XPR1: variants seen among roughly 807,000 people sequenced by gnomAD.
The protein encoded by XPR1 is xenotropic and polytropic retrovirus receptor 1.
Under a neutral mutation model 87.5 loss-of-function variants are expected in XPR1, and 28 were observed. The ratio of observed to expected loss-of-function variants is 0.32; its 90% CI spans 0.24 to 0.44. The LOEUF is 0.44. XPR1 is among the 20% of genes least tolerant of loss of function. XPR1 has a pLI of 1.00. For synonymous variants in XPR1, 300 were observed against 306.1 expected (o/e 0.98, Z 0.21); for missense variants, 559 against 862.3 (o/e 0.65, Z 4.41).
At chr1:180,705,824 C>T (rs1571746579) in intron 2 of XPR1, among the ~76,000 whole-genome samples, 1 of 152,048 alleles carries the variant, frequency 6.6e-6, no homozygotes, top group Non-Finnish European at 1.5e-5. Context: ...AAAAGTAACA[C>T]AATATATTAG....
chr1:180,653,372 G>A (rs1208279015), intron 1 of XPR1, among the ~76,000 whole-genome samples: 1 of 152,106 alleles, frequency 6.6e-6, no homozygotes, highest in Non-Finnish European at 1.5e-5. Flanking sequence ...AAATAAAAGG[G>A]GAAATATTGG....
intron 7 of XPR1, among the ~76,000 whole-genome samples, chr1:180,813,655 A>G (rs1319945869): frequency 6.6e-6 from 1 of 152,158 alleles, no homozygotes. Context: ...TTTAGAAAAC[A>G]CATGCACAAA....
intron 2 of XPR1, among the ~76,000 whole-genome samples, chr1:180,721,095 G>A (rs1014629549): frequency 1.3e-5 from 2 of 151,786 alleles, no homozygotes; most frequent in Non-Finnish European, 2.9e-5. Flanking sequence ...TGGCTGGGAC[G>A]TGGTAATTCC....
chr1:180,834,025 C>G (rs1041518763), intron 9 of XPR1, among the ~76,000 whole-genome samples: 1 of 151,816 alleles, frequency 6.6e-6, no homozygotes, highest in African/African-American at 2.4e-5. Context: ...GGAGTAGGAA[C>G]GTTCATAGAA....
intron 2 of XPR1, among the ~76,000 whole-genome samples, chr1:180,696,730 G>T (rs1273967832): frequency 6.6e-6 from 1 of 152,032 alleles, no homozygotes; most frequent in Non-Finnish European, 1.5e-5. Flanking sequence ...GCTTTTTTGT[G>T]TGTGTCTATT....
chr1:180,781,594 T>G (rs1212544035), intron 2 of XPR1, among the ~76,000 whole-genome samples: 1 of 151,038 alleles, frequency 6.6e-6, no homozygotes, highest in African/African-American at 2.4e-5. Flanking sequence ...TGATTGGTAC[T>G]CTTTTTTTTT....
At chr1:180,753,900 C>A (rs1413885491) in intron 2 of XPR1, among the ~76,000 whole-genome samples, 1 of 152,120 alleles carries the variant, frequency 6.6e-6, no homozygotes, top group Non-Finnish European at 1.5e-5. Flanking sequence ...TATTTCCCAC[C>A]ATTCAAACCT....
chr1:180,800,612 A>T (rs1005219451), intron 3 of XPR1, among the ~76,000 whole-genome samples: 2 of 152,236 alleles, frequency 1.3e-5, no homozygotes, highest in African/African-American at 2.4e-5. Context: ...GAGCTAATAA[A>T]TGGGGTTTCT....
chr1:180,805,833 T>C (rs1387272915), intron 4 of XPR1, among the ~76,000 whole-genome samples: 1 of 152,204 alleles, frequency 6.6e-6, no homozygotes, highest in Non-Finnish European at 1.5e-5. Flanking sequence ...ATAGGGTTCA[T>C]AGTTCAGGGT....
chr1:180,825,224 A>C lies in XPR1; in HGVS notation c.1014A>C (p.Pro338=). The C allele has an allele frequency of 2.5e-6, 4 of 1,613,982 alleles. No homozygotes were observed. Among genetic ancestry groups the C allele is most frequent in the Non-Finnish European group, 3.4e-6 (4 of 1,179,938 alleles). The change falls in exon 9 of 15, where the codon CCA becomes CCC. Residue 338 remains proline, a synonymous_variant. Transcript: ENST00000367590. ...GCCTTCTGGCATGCTTCTTTGCTCC[A>C]ATTAGTGTCATCCCCACATATGTGT... ...CLSLLACFFA[P]ISVIPTYVYP...
chr1:180,786,614 T>C (rs1425318994), intron 2 of XPR1, among the ~76,000 whole-genome samples: 1 of 152,182 alleles, frequency 6.6e-6, no homozygotes, highest in Admixed American at 6.5e-5. Context: ...GTTGATAGGC[T>C]ATGTGACAGA....
chr1:180,852,844 C>T (rs1651909002), intron 11 of XPR1, among the ~76,000 whole-genome samples: 1 of 152,120 alleles, frequency 6.6e-6, no homozygotes, highest in Non-Finnish European at 1.5e-5. Flanking sequence ...TAACTTATTA[C>T]AGTATATTAT....
intron 9 of XPR1, among the ~76,000 whole-genome samples, chr1:180,826,574 A>G (rs1207033130): frequency 1.3e-5 from 2 of 152,144 alleles, no homozygotes; most frequent in Non-Finnish European, 2.9e-5. Flanking sequence ...AGAAAGAAAC[A>G]AAGAAAGTAA....
intron 7 of XPR1, among the ~76,000 whole-genome samples, chr1:180,822,894 A>G (rs886921629): frequency 7.9e-5 from 12 of 152,214 alleles, no homozygotes; most frequent in South Asian, 4.1e-4. Context: ...TAAATCTTCT[A>G]TATACTACAG....
At chr1:180,693,419 A>C (rs1259992590) in intron 2 of XPR1, among the ~76,000 whole-genome samples, 1 of 152,244 alleles carries the variant, frequency 6.6e-6, no homozygotes, top group Non-Finnish European at 1.5e-5. Flanking sequence ...GAGATACTCT[A>C]AAAATCATTT....
intron 4 of XPR1, among the ~76,000 whole-genome samples, chr1:180,803,864 C>T (rs1217020668): frequency 6.6e-6 from 1 of 152,134 alleles, no homozygotes; most frequent in Non-Finnish European, 1.5e-5. Flanking sequence ...GGATAGTCCA[C>T]AACTCAAGGA....
intron 11 of XPR1, among the ~76,000 whole-genome samples, chr1:180,855,021 G>T (rs1312314099): frequency 1.3e-5 from 2 of 152,164 alleles, no homozygotes; most frequent in Non-Finnish European, 1.5e-5. Context: ...ATTCAGTTTG[G>T]CAAATATTAA....
At chr1:180,738,441 G>A (rs1044665600) in intron 2 of XPR1, among the ~76,000 whole-genome samples, 2 of 152,068 alleles carry the variant, frequency 1.3e-5, no homozygotes, top group African/African-American at 4.8e-5. Context: ...TTTTATTTTA[G>A]CTATCTTAAT....
intron 2 of XPR1, among the ~76,000 whole-genome samples, chr1:180,771,549 GC>G (rs749369196): frequency 6.6e-6 from 1 of 152,060 alleles, no homozygotes; most frequent in Non-Finnish European, 1.5e-5. Flanking sequence ...CCTTCTTGGT[GC>G]CAGGAACCAA....
Sources: gnomAD v4.1 joint callset for allele counts (sites outside exome capture counted in the v4.1 genomes callset) on GRCh38, gnomAD v4.1.1 for gene constraint, MANE v1.5 for transcripts, NCBI Gene and HGNC (gene_info 2026-07-23, HGNC 2026-07-21) for gene names.